Variants in SPCS3 observed in about 807,000 individuals in gnomAD.
SPCS3 encodes the protein SPase 22 kDa subunit.
In SPCS3, 9 loss-of-function variants were observed where a neutral mutation model predicts 17.2. The ratio of observed to expected loss-of-function variants is 0.52; its 90% CI spans 0.31 to 0.91. The LOEUF (loss-of-function observed/expected upper bound fraction) is 0.91, where lower values mean the gene tolerates loss of function less well. Among genes scored for constraint, SPCS3 ranks in the 40% least tolerant of loss-of-function variants. SPCS3 has a pLI of 0.04. For missense variants in SPCS3, 139 were observed against 217.5 expected (o/e 0.64, Z 2.27); for synonymous variants, 87 against 89.6 (o/e 0.97, Z 0.16).
chr4:176,322,115 G>C, intron 1 of SPCS3, 55 bp from the exon 2 acceptor site: 2 of 1,168,514 alleles, frequency 1.7e-6, no homozygotes, highest in Non-Finnish European at 2.5e-6. Flanking sequence ...AAGAAGTTAC[G>C]TGAATTGTGT....
rs1475798283 is a variant in SPCS3, at chr4:176,329,496, T to G, written c.*1166T>G. 3 of 152,294 alleles carry G rather than the reference T, an allele frequency of 2.0e-5. No individual in the cohort carries two copies. In the East Asian group the frequency reaches 5.8e-4, roughly 29 times the overall value. 9.4% of individuals were successfully genotyped at this position (152,294 alleles called of 1,614,324 possible). On this transcript the variant is annotated 3_prime_UTR_variant, in exon 5 of 5. Transcript: ENST00000503362. ...TTTGTTACCCTGGACACCCTTTCTA[T>G]TCTAGAAAAGGTTTCCCATTTTATA...
rs1731644115 is a variant in SPCS3, at chr4:176,328,758, A to T, written c.*428A>T. ...TTCACATTGGATGTGATTTAAAAGT[A>T]GACATTCTCTTTTTCCTCTTTTAGG... On this transcript the variant is annotated 3_prime_UTR_variant, in exon 5 of 5. Transcript: ENST00000503362. The T allele has an allele frequency of 6.6e-6, 1 of 152,242 alleles. No homozygotes were observed. Among genetic ancestry groups the T allele is most frequent in the African/African-American group, 2.4e-5 (1 of 41,470 alleles). The allele number at this position is 152,242 out of a possible 1,614,324, so 9.4% of individuals were successfully genotyped here.
rs1439014859 is a variant in SPCS3, at chr4:176,329,337, G to GC, written c.*1008dup. On this transcript the variant is annotated 3_prime_UTR_variant, in exon 5 of 5. Coordinates refer to ENST00000503362, the MANE Select transcript of SPCS3 (RefSeq NM_021928.4). ...CTGAAACCCAGAAGTTTATTGAATT[G>GC]CTTCATTGTTACCTAGCCAGCAAGG... The GC allele has an allele frequency of 6.6e-6, 1 of 152,026 alleles. No individual in the cohort carries two copies. The highest frequency in any genetic ancestry group is 1.5e-5 in the Non-Finnish European group (1 of 67,970). The allele number at this position is 152,026 out of a possible 1,614,324, so 9.4% of individuals were successfully genotyped here.
At position 176,320,166 on chromosome 4, in the gene SPCS3, CG is replaced by C; in HGVS notation, c.91del (p.Ala31ProfsTer18). 6.3e-7 allele frequency: 1 copy of C among 1,583,670 alleles called. No individual in the cohort carries two copies. Among genetic ancestry groups the C allele is most frequent in the Non-Finnish European group, 8.6e-7 (1 of 1,165,972 alleles). On this transcript the variant is annotated frameshift_variant, in exon 1 of 5. Transcript: ENST00000503362. LOFTEE classifies it high-confidence loss of function. Reference sequence around the variant, plus strand: ...TCACCTTCGGCTGCTTCATCACCACCGCCTTCAAAGACAGGAGCGTCCCGGT... The same window carrying C: ...TCACCTTCGGCTGCTTCATCACCACCCCTTCAAAGACAGGAGCGTCCCGGT... ...ALTFGCFITTAFKDRSVPVRL... is the reference protein window; with the variant it reads ...ALTFGCFITTXFKDRSVPVRL...
At position 176,332,128 on chromosome 4, in the gene SPCS3, A is replaced by G. The variant is rs1344653452; in HGVS notation, c.*3798A>G. 1 of 152,284 alleles carries G rather than the reference A, an allele frequency of 6.6e-6. No individual in the cohort carries two copies. The highest frequency in any genetic ancestry group is 1.5e-5 in the Non-Finnish European group (1 of 68,106). 9.4% of individuals were successfully genotyped at this position (152,284 alleles called of 1,614,324 possible). A position where few individuals can be genotyped will look rare whatever the true frequency, so the allele number is the denominator to read the frequency against. ...TCTTCTCCAGAGACTGTATGCTCCTATACTAGACTGTAAGCTCTTTGAGGG... is the reference window on the plus strand; with the variant it reads ...TCTTCTCCAGAGACTGTATGCTCCTGTACTAGACTGTAAGCTCTTTGAGGG... On this transcript the variant is annotated 3_prime_UTR_variant, in exon 5 of 5. Coordinates refer to ENST00000503362, the MANE Select transcript of SPCS3 (RefSeq NM_021928.4).
Position 176,330,832 on chromosome 4 carries a change from A to G in SPCS3, c.*2502A>G, listed in dbSNP as rs1198328441. 2 of 152,238 alleles carry G rather than the reference A, an allele frequency of 1.3e-5. No individual in the cohort carries two copies. Among genetic ancestry groups the G allele is most frequent in the Non-Finnish European group, 2.9e-5 (2 of 68,034 alleles). The allele number at this position is 152,238 out of a possible 1,614,324, so 9.4% of individuals were successfully genotyped here. ...GAGAATAATTTGAAGACACTTATTT[A>G]AAAGTAATTATGGTTAGAAATGAAT... On this transcript the variant is annotated 3_prime_UTR_variant, in exon 5 of 5. Transcript: ENST00000503362.
At chr4:176,325,052 CTTT>C (rs55912158) in intron 3 of SPCS3, among the ~76,000 whole-genome samples, 2 of 123,894 alleles carry the variant, frequency 1.6e-5, no homozygotes, top group Non-Finnish European at 1.7e-5. Context: ...TTTTTTTTTA[CTTT>C]TTTTTTTTTT....
chr4:176,325,015 G>A (rs1731585875), intron 3 of SPCS3, among the ~76,000 whole-genome samples: 1 of 149,584 alleles, frequency 6.7e-6, no homozygotes, highest in Non-Finnish European at 1.5e-5. Flanking sequence ...GTAGCCGGTA[G>A]TATTGCCACC....
At position 176,330,315 on chromosome 4, in the gene SPCS3, A is replaced by T. The variant is rs865850503; in HGVS notation, c.*1985A>T. Reference sequence around the variant, plus strand: ...AATGTGCAGGTGTCAAAGCTTAAAAATCAGGTGTGTCCTCTTTAAAGGCAT... The same window carrying T: ...AATGTGCAGGTGTCAAAGCTTAAAATTCAGGTGTGTCCTCTTTAAAGGCAT... On this transcript the variant is annotated 3_prime_UTR_variant, in exon 5 of 5. Coordinates refer to ENST00000503362, the MANE Select transcript of SPCS3 (RefSeq NM_021928.4). 4 of 152,220 alleles carry T rather than the reference A, an allele frequency of 2.6e-5. No individual in the cohort carries two copies. The highest frequency in any genetic ancestry group is 4.4e-5 in the Non-Finnish European group (3 of 68,028). The allele number at this position is 152,220 out of a possible 1,614,324, so 9.4% of individuals were successfully genotyped here.
chr4:176,325,409 G>A (rs1425524299), intron 3 of SPCS3, among the ~76,000 whole-genome samples: 3 of 152,152 alleles, frequency 2.0e-5, no homozygotes, highest in South Asian at 2.1e-4. Flanking sequence ...TTAGAGAGCT[G>A]CATGGTGACC....
chr4:176,326,789 T>G (rs1317538099), intron 3 of SPCS3, among the ~76,000 whole-genome samples: 1 of 152,186 alleles, frequency 6.6e-6, no homozygotes, highest in African/African-American at 2.4e-5. Context: ...TCTTAGAAAT[T>G]TTATAGGGAA....
In SPCS3 at chr4:176,322,156, A is replaced by G; in HGVS notation, c.144-14A>G. On this transcript the variant is annotated splice_polypyrimidine_tract_variant and intron_variant, in intron 1 of 4. Coordinates refer to ENST00000503362, the MANE Select transcript of SPCS3 (RefSeq NM_021928.4). ...CTGTTGGAAGGATGGTAAAACTTTT[A>G]TCTTTATTCCTAGAAAAAATGTAGA... 1.9e-6 allele frequency: 3 copies of G among 1,556,966 alleles called. No individual in the cohort carries two copies. The highest frequency in any genetic ancestry group is 2.7e-6 in the Non-Finnish European group (3 of 1,130,124).
chr4:176,325,561 TA>T (rs71597446), intron 3 of SPCS3, among the ~76,000 whole-genome samples: 1,869 of 137,162 alleles, frequency 0.014, 16 homozygotes, highest in African/African-American at 0.028. Context: ...TACCTTTCTT[TA>T]AAAAAAAAAA....
At chr4:176,324,117 T>A (rs1731572519) in intron 2 of SPCS3, 64 bp from the exon 3 acceptor site, 1 of 826,440 alleles carries the variant, frequency 1.2e-6, no homozygotes, top group Non-Finnish European at 1.7e-6. Flanking sequence ...AACCTAAGAA[T>A]AATTAAGATC....
chr4:176,320,060 C>T lies in SPCS3; in HGVS notation c.-17C>T, dbSNP rs752135210. On this transcript the variant is annotated 5_prime_UTR_variant, in exon 1 of 5. Coordinates refer to ENST00000503362, the MANE Select transcript of SPCS3 (RefSeq NM_021928.4). ...TGGGTGTGCGTGTGGAGTCCGGACT[C>T]GTGGGAGACGATCGCGATGAACACG... 8 of 1,540,158 alleles carry T rather than the reference C, an allele frequency of 5.2e-6. No homozygotes were observed. The highest frequency in any genetic ancestry group is 4.3e-5 in the African/African-American group (3 of 70,274).
intron 3 of SPCS3, 136 bp downstream of exon 3, chr4:176,324,393 G>C: frequency 2.4e-6 from 1 of 419,294 alleles, no homozygotes; most frequent in Non-Finnish European, 3.8e-6. Context: ...GGAGGTAGCT[G>C]TGTTATGAAA....
At position 176,331,126 on chromosome 4, in the gene SPCS3, G is replaced by A. The variant is rs1468176938; in HGVS notation, c.*2796G>A. Reference sequence around the variant, plus strand: ...ATTATCATCTTAGAGATGATAGATGGGCTTTTTAAAGATTTCATCTTAGAG... The same window carrying A: ...ATTATCATCTTAGAGATGATAGATGAGCTTTTTAAAGATTTCATCTTAGAG... On this transcript the variant is annotated 3_prime_UTR_variant, in exon 5 of 5. Transcript: ENST00000503362. 2 of 152,038 alleles carry A rather than the reference G, an allele frequency of 1.3e-5. No homozygotes were observed. The highest frequency in any genetic ancestry group is 4.8e-5 in the African/African-American group (2 of 41,496). The allele number at this position is 152,038 out of a possible 1,614,324, so 9.4% of individuals were successfully genotyped here.
chr4:176,321,898 G>A (rs1016445004), intron 1 of SPCS3: 1 of 252,882 alleles, frequency 4.0e-6, no homozygotes, highest in South Asian at 7.9e-5. Context: ...TTTACATCAA[G>A]TATTTACTAT....
At chr4:176,327,789 C>A (rs73871982) in intron 4 of SPCS3, among the ~76,000 whole-genome samples, 2 of 152,188 alleles carry the variant, frequency 1.3e-5, no homozygotes, top group South Asian at 4.1e-4. Flanking sequence ...CCAAGCCAAA[C>A]GTCTGTATTT....
Sources: gnomAD v4.1 joint callset for allele counts (sites outside exome capture counted in the v4.1 genomes callset) on GRCh38, gnomAD v4.1.1 for gene constraint, MANE v1.5 for transcripts, NCBI Gene and HGNC (gene_info 2026-07-23, HGNC 2026-07-21) for gene names.